AGBL4: variants seen among roughly 807,000 people sequenced by gnomAD.
AGBL4 encodes the protein cytosolic carboxypeptidase 6.
A neutral mutation model predicts 66.4 loss-of-function variants in AGBL4; 58 were observed. The observed-to-expected ratio is 0.87, with a 90% CI of 0.71 to 1.09. The LOEUF is 1.09. Among genes scored for constraint, AGBL4 ranks in the 50% least tolerant of loss-of-function variants. AGBL4 has a pLI of 0.00. For missense variants in AGBL4, 579 were observed against 631.0 expected (o/e 0.92, Z 0.88); for synonymous variants, 234 against 222.9 (o/e 1.05, Z -0.44).
At chr1:49,425,972 A>C (rs906432915) in intron 3 of AGBL4, among the ~76,000 whole-genome samples, 3 of 152,230 alleles carry the variant, frequency 2.0e-5, no homozygotes, top group African/African-American at 7.2e-5. Context: ...ACTGAGCCTC[A>C]GTTGCCTTCC....
chr1:49,937,316 A>C (rs1385157825), intron 1 of AGBL4, among the ~76,000 whole-genome samples: 1 of 152,134 alleles, frequency 6.6e-6, no homozygotes, highest in Non-Finnish European at 1.5e-5. Context: ...TGCACCCAAT[A>C]CAGGAGCACC....
intron 1 of AGBL4, among the ~76,000 whole-genome samples, chr1:49,938,166 C>A (rs1369569216): frequency 1.3e-5 from 2 of 151,540 alleles, no homozygotes; most frequent in East Asian, 3.9e-4. Flanking sequence ...AAGGGGATAT[C>A]ACCACCAATC....
intron 3 of AGBL4, among the ~76,000 whole-genome samples, chr1:49,300,067 C>T (rs1644715680): frequency 6.6e-6 from 1 of 152,186 alleles, no homozygotes; most frequent in Non-Finnish European, 1.5e-5. Flanking sequence ...TGGCATGCAA[C>T]TTTCCTTCCT....
intron 3 of AGBL4, among the ~76,000 whole-genome samples, chr1:49,582,547 G>A (rs1261782662): frequency 1.3e-5 from 2 of 152,188 alleles, no homozygotes; most frequent in Non-Finnish European, 2.9e-5. Flanking sequence ...GGGTTGCCTG[G>A]TTCCAGCACC....
intron 4 of AGBL4, among the ~76,000 whole-genome samples, chr1:49,227,542 C>G (rs188538731): frequency 1.3e-5 from 2 of 152,262 alleles, no homozygotes; most frequent in East Asian, 3.9e-4. Context: ...TTCAGTCAAA[C>G]AGCTTGCAAG....
At chr1:48,792,912 C>T (rs1444066564) in intron 6 of AGBL4, among the ~76,000 whole-genome samples, 1 of 152,220 alleles carries the variant, frequency 6.6e-6, no homozygotes, top group Non-Finnish European at 1.5e-5. Context: ...AACCAGACCG[C>T]TCTTTCTACC....
chr1:49,568,292 C>T (rs1644254507), intron 3 of AGBL4, among the ~76,000 whole-genome samples: 2 of 152,086 alleles, frequency 1.3e-5, no homozygotes, highest in Admixed American at 6.6e-5. Context: ...AGTGAAGTCT[C>T]AGGATACAAA....
rs1649784360 is a variant in AGBL4, at chr1:49,735,299, GTGT to G, written c.158-37865_158-37863del. 1.4e-4 allele frequency among the ~76,000 whole-genome samples: 10 copies of G among 72,440 alleles called. No individual in the cohort carries two copies. In the East Asian group the frequency reaches 6.2e-3, roughly 45 times the overall value. 47.5% of individuals were successfully genotyped at this position (72,440 alleles called of 152,430 possible). ...AACAAAGAGGTAGAGGTGTGTGGGT[GTGT>G]GTGTGTGTGTGTGTGTGTGTGTGTG... On this transcript the variant is annotated intron_variant, in intron 2 of 13. Transcript: ENST00000371839.
At position 49,305,991 on chromosome 1, in the gene AGBL4, GAATT is replaced by G. The variant is rs1644843196; in HGVS notation, c.283-60131_283-60128del. On this transcript the variant is annotated intron_variant, in intron 3 of 13. Transcript: ENST00000371839. ...AGTCGTAAGCCACCGTGCCTGGCCG[GAATT>G]AATTATTCTTATGGCACAACATTGA... Among the ~76,000 whole-genome samples the G allele has an allele frequency of 2.6e-5, 4 of 152,016 alleles. No homozygotes were observed. In the South Asian group the frequency reaches 8.3e-4, roughly 31 times the overall value.
At chr1:49,846,528 A>C (rs4582848) in intron 2 of AGBL4, 370,452 of 591,470 alleles carry the variant, frequency 0.63, 119,356 homozygotes, top group Middle Eastern at 0.69. Flanking sequence ...GACTAATACA[A>C]AAGTGAAGAG....
At chr1:49,803,450 C>T (rs568398159) in intron 2 of AGBL4, among the ~76,000 whole-genome samples, 3 of 152,308 alleles carry the variant, frequency 2.0e-5, no homozygotes, top group African/African-American at 7.2e-5. Context: ...ATCTAAATGA[C>T]ACTCTCTATT....
At chr1:48,755,137 C>T (rs187986264) in intron 6 of AGBL4, among the ~76,000 whole-genome samples, 1 of 152,284 alleles carries the variant, frequency 6.6e-6, no homozygotes, top group Non-Finnish European at 1.5e-5. Flanking sequence ...GCTGCTATCC[C>T]CCACCCTTGG....
chr1:49,733,788 AC>A (rs1225907031), intron 2 of AGBL4, among the ~76,000 whole-genome samples: 5 of 152,112 alleles, frequency 3.3e-5, no homozygotes, highest in African/African-American at 1.2e-4. Context: ...CAAAGATTTC[AC>A]CTTTTTACTC....
chr1:48,828,668 C>G (rs1646484164), intron 6 of AGBL4, among the ~76,000 whole-genome samples: 1 of 152,174 alleles, frequency 6.6e-6, no homozygotes, highest in Admixed American at 6.5e-5. Flanking sequence ...AAACTATTAA[C>G]TGTGCAACAG....
At chr1:49,970,170 G>A (rs1291854902) in intron 1 of AGBL4, among the ~76,000 whole-genome samples, 2 of 152,092 alleles carry the variant, frequency 1.3e-5, no homozygotes, top group African/African-American at 4.8e-5. Flanking sequence ...TAAGGGAAAA[G>A]CTTCTTGCCA....
chr1:48,896,035 A>C (rs901977729), intron 5 of AGBL4, among the ~76,000 whole-genome samples: 1 of 152,358 alleles, frequency 6.6e-6, no homozygotes, highest in Middle Eastern at 3.4e-3. Flanking sequence ...GGCGATGGCA[A>C]TAATAATGCC....
chr1:49,743,613 T>A (rs576657020), intron 2 of AGBL4, among the ~76,000 whole-genome samples: 2 of 152,162 alleles, frequency 1.3e-5, no homozygotes, highest in Non-Finnish European at 2.9e-5. Flanking sequence ...CGTATGTTTA[T>A]TGTGGCACTA....
chr1:49,231,352 G>T (rs548172240), intron 4 of AGBL4, among the ~76,000 whole-genome samples: 1 of 152,114 alleles, frequency 6.6e-6, no homozygotes, highest in Non-Finnish European at 1.5e-5. Context: ...ATAATTAAGC[G>T]CAATACTTAG....
chr1:49,331,684 C>T (rs770432399), intron 3 of AGBL4, among the ~76,000 whole-genome samples: 5 of 150,976 alleles, frequency 3.3e-5, no homozygotes, highest in Non-Finnish European at 5.9e-5. Context: ...GCGGGAGAGG[C>T]AGGCTGCCAC....
Sources: gnomAD v4.1 joint callset for allele counts (sites outside exome capture counted in the v4.1 genomes callset) on GRCh38, gnomAD v4.1.1 for gene constraint, MANE v1.5 for transcripts, NCBI Gene and HGNC (gene_info 2026-07-23, HGNC 2026-07-21) for gene names.